The following ZNF705G variants were observed in gnomAD, a reference collection of about 807,000 sequenced individuals.
The protein encoded by ZNF705G is putative zinc finger protein 705G.
In ZNF705G, 23 loss-of-function variants were observed where a neutral mutation model predicts 19.6. The ratio of observed to expected loss-of-function variants is 1.17; its 90% CI spans 0.84 to 1.66. The LOEUF is 1.66. Among genes scored for constraint, ZNF705G ranks in the 40% most tolerant of loss-of-function variants. The pLI is 0.00. For synonymous variants in ZNF705G, 146 were observed against 117.7 expected (o/e 1.24, Z -1.56); for missense variants, 457 against 354.4 (o/e 1.29, Z -2.32).
rs1806666295 is a variant in ZNF705G, at chr8:7,362,799, C to G, written c.12+136G>C. On this transcript the variant is annotated intron_variant, in intron 3 of 6. Transcript: ENST00000400156. ...CCTGATTGCATTTGGAACACCCAGGCAGGGTGGATTTTACATCATAAAAAC... is the reference window on the plus strand; with the variant it reads ...CCTGATTGCATTTGGAACACCCAGGGAGGGTGGATTTTACATCATAAAAAC... The G allele has an allele frequency of 6.4e-6, 10 of 1,574,768 alleles. No individual in the cohort carries two copies. The East Asian group carries it at 1.8e-4, about 28-fold the overall frequency.
chr8:7,362,287 A>G (rs1420557520), intron 3 of ZNF705G, among the ~76,000 whole-genome samples: 1 of 149,866 alleles, frequency 6.7e-6, no homozygotes, highest in Non-Finnish European at 1.5e-5. Context: ...TTAATTACCA[A>G]AAGGTAAAGT....
chr8:7,364,488 T>A (rs1254466353), intron 2 of ZNF705G, among the ~76,000 whole-genome samples: 1 of 149,630 alleles, frequency 6.7e-6, no homozygotes, highest in Non-Finnish European at 1.5e-5. Flanking sequence ...TAATAAATGA[T>A]CAACAGAGTT....
At position 7,357,902 on chromosome 8, in the gene ZNF705G, T is replaced by G; in HGVS notation, c.*74A>C. 1 of 1,592,160 alleles carries G rather than the reference T, an allele frequency of 6.3e-7. No homozygotes were observed. Among genetic ancestry groups the G allele is most frequent in the Non-Finnish European group, 8.5e-7 (1 of 1,173,912 alleles). On this transcript the variant is annotated 3_prime_UTR_variant, in exon 7 of 7. Coordinates refer to ENST00000400156, the MANE Select transcript of ZNF705G (RefSeq NM_001164457.3). ...GTGAATTTTCTGATGCTCTTTAAGA[T>G]TAGTACATTGTCTGAAGGCTTTCCC...
chr8:7,371,540 C>A (rs1470537664), intron 2 of ZNF705G, among the ~76,000 whole-genome samples: 3 of 104,430 alleles, frequency 2.9e-5, no homozygotes, highest in Non-Finnish European at 6.3e-5. Flanking sequence ...TGGTTATAAT[C>A]TTGATGGTAG....
chr8:7,362,589 G>T (rs1445308697), intron 3 of ZNF705G, among the ~76,000 whole-genome samples: 1 of 149,670 alleles, frequency 6.7e-6, no homozygotes, highest in Non-Finnish European at 1.5e-5. Context: ...TTATAGGATG[G>T]ATAGAAGAAA....
At position 7,358,183 on chromosome 8, in the gene ZNF705G, T is replaced by G; in HGVS notation, c.696A>C (p.Gln232His). The stretch of plus-strand genomic sequence containing the variant: ...AGGATTGAATAAAGACTTTCCCATA[T>G]TGATGACACTTATATGGTCTCTGTC... ...HTGQRPYKCHQYGKVFIQSFN... is the reference protein window; with the variant it reads ...HTGQRPYKCHHYGKVFIQSFN... Residue 232 changes from glutamine to histidine, a missense_variant, in exon 7 of 7, where the codon CAA becomes CAC. By Grantham distance (24) the Gln-to-His change is conservative. Coordinates refer to ENST00000400156, the MANE Select transcript of ZNF705G (RefSeq NM_001164457.3). 1.2e-5 allele frequency: 19 copies of G among 1,607,650 alleles called. No homozygotes were observed. Among genetic ancestry groups the G allele is most frequent in the Non-Finnish European group, 1.4e-5 (17 of 1,179,614 alleles).
At chr8:7,379,912 G>A (rs1179068683) in intron 2 of ZNF705G, among the ~76,000 whole-genome samples, 71 of 144,298 alleles carry the variant, frequency 4.9e-4, no homozygotes, top group Non-Finnish European at 7.1e-4. Flanking sequence ...CTGCCCTGGG[G>A]CCCAACAGCC....
intron 1 of ZNF705G, among the ~76,000 whole-genome samples, chr8:7,381,817 T>C (rs1245616731): frequency 1.3e-5 from 2 of 149,342 alleles, no homozygotes; most frequent in Non-Finnish European, 3.0e-5. Flanking sequence ...ATGAGATCCA[T>C]ACTCCAAACC....
chr8:7,358,402 A>T lies in ZNF705G; in HGVS notation c.477T>A (p.Thr159=), dbSNP rs781774661. Residue 159 remains threonine, a synonymous_variant, in exon 7 of 7, where the codon ACT becomes ACA. Coordinates refer to ENST00000400156, the MANE Select transcript of ZNF705G (RefSeq NM_001164457.3). The part of the protein sequence containing the change: ...CGKSLRNLLS[T]EPHKQIHTKG... Reference sequence around the variant, plus strand: ...TAGTATGAATTTGTTTATGTGGTTCAGTGGACAAAAGATTACGAAGGGATT... The same window carrying T: ...TAGTATGAATTTGTTTATGTGGTTCTGTGGACAAAAGATTACGAAGGGATT... 1.2e-6 allele frequency: 2 copies of T among 1,607,668 alleles called. No homozygotes were observed. The highest frequency in any genetic ancestry group is 1.7e-6 in the Non-Finnish European group (2 of 1,179,592).
At chr8:7,369,301 A>G (rs1806994338) in intron 2 of ZNF705G, among the ~76,000 whole-genome samples, 3 of 149,552 alleles carry the variant, frequency 2.0e-5, no homozygotes, top group South Asian at 2.1e-4. Context: ...GAAAGCCTGT[A>G]TGTCCAATAG....
rs1313858118 is a variant in ZNF705G at position 7,361,952 on chromosome 8, CACAAG to C, written c.13-721_13-717del. ...ACAAGGCTTAAAGACAGTCTAGCAGCACAAGACAAGACCGCTGAGGCTGCTATACT... is the reference window on the plus strand; with the variant it reads ...ACAAGGCTTAAAGACAGTCTAGCAGCACAAGACCGCTGAGGCTGCTATACT... On this transcript the variant is annotated intron_variant, in intron 3 of 6. Transcript: ENST00000400156. Among the ~76,000 whole-genome samples, 4 of 149,696 alleles carry C rather than the reference CACAAG, an allele frequency of 2.7e-5. No individual in the cohort carries two copies. The South Asian group carries it at 6.3e-4, about 24-fold the overall frequency.
At chr8:7,360,610 A>G (rs1211708424) in intron 4 of ZNF705G, among the ~76,000 whole-genome samples, 2 of 149,506 alleles carry the variant, frequency 1.3e-5, no homozygotes, top group Non-Finnish European at 2.9e-5. Flanking sequence ...TGCATAATAC[A>G]CAATCTTTTC....
At chr8:7,371,115 T>C (rs1364377211) in intron 2 of ZNF705G, among the ~76,000 whole-genome samples, 2 of 142,358 alleles carry the variant, frequency 1.4e-5, no homozygotes, top group East Asian at 2.1e-4. Context: ...ATATATGCAA[T>C]GGAATATTGT....
chr8:7,383,802 T>C (rs144612079), intron 1 of ZNF705G, among the ~76,000 whole-genome samples: 9,174 of 146,478 alleles, frequency 0.063, 242 homozygotes, highest in East Asian at 0.18. Flanking sequence ...CCTATGCCGG[T>C]GTCTTGATCT....
In ZNF705G at chr8:7,367,170, C is replaced by T. The variant is rs375325416; in HGVS notation, c.-71-4153G>A. On this transcript the variant is annotated intron_variant, in intron 2 of 6. Coordinates refer to ENST00000400156, the MANE Select transcript of ZNF705G (RefSeq NM_001164457.3). ...AATAAAATGTAATAATGAGATGCTG[C>T]CTTGATGGGACAAATGTCTAATGAT... Among the ~76,000 whole-genome samples, 115 of 149,536 alleles carry T rather than the reference C, an allele frequency of 7.7e-4. 9 individuals are homozygous for T. In the South Asian group the frequency reaches 0.013, roughly 17 times the overall value.
At position 7,357,887 on chromosome 8, in the gene ZNF705G, T is replaced by C. The variant is rs541909168; in HGVS notation, c.*89A>G. 6.6e-5 allele frequency: 103 copies of C among 1,567,756 alleles called. 3 individuals carry two copies. In the South Asian group the frequency reaches 9.2e-4, roughly 14 times the overall value. ...AATTTTCTCTCCAGGGTGAATTTTCTGATGCTCTTTAAGATTAGTACATTG... is the reference window on the plus strand; with the variant it reads ...AATTTTCTCTCCAGGGTGAATTTTCCGATGCTCTTTAAGATTAGTACATTG... On this transcript the variant is annotated 3_prime_UTR_variant, in exon 7 of 7. Coordinates refer to ENST00000400156, the MANE Select transcript of ZNF705G (RefSeq NM_001164457.3).
At chr8:7,370,554 T>G (rs1456529014) in intron 2 of ZNF705G, among the ~76,000 whole-genome samples, 2 of 146,972 alleles carry the variant, frequency 1.4e-5, no homozygotes, top group African/African-American at 2.7e-5. Context: ...AAAAATTTTT[T>G]AAATAAAACT....
intron 2 of ZNF705G, among the ~76,000 whole-genome samples, chr8:7,365,133 G>A (rs1392786796): frequency 1.3e-5 from 2 of 149,604 alleles, no homozygotes; most frequent in African/African-American, 5.1e-5. Context: ...GGACTCTTGT[G>A]TGGAATCTAT....
intron 2 of ZNF705G, among the ~76,000 whole-genome samples, chr8:7,370,624 A>T (rs1387014053): frequency 7.0e-6 from 1 of 142,032 alleles, no homozygotes; most frequent in South Asian, 2.2e-4. Flanking sequence ...GGGAATGTAA[A>T]TTAGTTCAAC....
Sources: gnomAD v4.1 joint callset for allele counts (sites outside exome capture counted in the v4.1 genomes callset) on GRCh38, gnomAD v4.1.1 for gene constraint, MANE v1.5 for transcripts, NCBI Gene and HGNC (gene_info 2026-07-23, HGNC 2026-07-21) for gene names.